Variants in SLC8A3 observed in about 807,000 individuals in gnomAD.
SLC8A3 encodes solute carrier family 8 member A3, also known as sodium/calcium exchanger 3.
A neutral mutation model predicts 65.4 loss-of-function variants in SLC8A3; 37 were observed. The observed-to-expected ratio is 0.57, with a 90% CI of 0.44 to 0.74. The LOEUF is 0.74. Among genes scored for constraint, SLC8A3 ranks in the 30% least tolerant of loss-of-function variants. SLC8A3 has a pLI of 0.00. For missense variants in SLC8A3, 1,112 were observed against 1,172.1 expected (o/e 0.95, Z 0.75); for synonymous variants, 461 against 444.5 (o/e 1.04, Z -0.47).
chr14:70,066,581 C>T (rs1381500742), intron 2 of SLC8A3, among the ~76,000 whole-genome samples: 1 of 152,120 alleles, frequency 6.6e-6, no homozygotes, highest in Admixed American at 6.5e-5. Context: ...AAGGCCGAGG[C>T]GGGTGGATCG....
intron 2 of SLC8A3, among the ~76,000 whole-genome samples, chr14:70,143,667 C>T (rs1273168860): frequency 6.6e-6 from 1 of 152,164 alleles, no homozygotes; most frequent in Non-Finnish European, 1.5e-5. Flanking sequence ...GAGAAGCCCT[C>T]ATCCACAGGA....
intron 2 of SLC8A3, among the ~76,000 whole-genome samples, chr14:70,124,433 T>C (rs1400927675): frequency 1.3e-5 from 2 of 152,252 alleles, no homozygotes; most frequent in African/African-American, 4.8e-5. Context: ...CTTCTCACAT[T>C]GTCCCTTTCC....
chr14:70,118,289 G>A (rs1193885109), intron 2 of SLC8A3, among the ~76,000 whole-genome samples: 1 of 152,172 alleles, frequency 6.6e-6, no homozygotes, highest in Non-Finnish European at 1.5e-5. Context: ...GCTACAAAGG[G>A]CAGATTCCAA....
At chr14:70,107,448 C>A (rs1594993927) in intron 2 of SLC8A3, among the ~76,000 whole-genome samples, 1 of 152,076 alleles carries the variant, frequency 6.6e-6, no homozygotes, top group African/African-American at 2.4e-5. Context: ...ATCCTATCGA[C>A]AAGGGCACCC....
chr14:70,110,587 A>C (rs1054460253), intron 2 of SLC8A3, among the ~76,000 whole-genome samples: 4 of 151,176 alleles, frequency 2.6e-5, no homozygotes, highest in Admixed American at 2.6e-4. Context: ...TTATCCATTC[A>C]TCTGTTGATG....
chr14:70,154,233 T>C (rs1896441468), intron 2 of SLC8A3, among the ~76,000 whole-genome samples: 1 of 152,238 alleles, frequency 6.6e-6, no homozygotes, highest in Non-Finnish European at 1.5e-5. Flanking sequence ...TGCTAAAATA[T>C]GTAACACAAT....
At chr14:70,092,160 C>A (rs1211682509) in intron 2 of SLC8A3, among the ~76,000 whole-genome samples, 1 of 152,178 alleles carries the variant, frequency 6.6e-6, no homozygotes, top group African/African-American at 2.4e-5. Flanking sequence ...GTCCCTTGGC[C>A]TCCAACACTA....
chr14:70,146,260 G>T (rs1287359596), intron 2 of SLC8A3, among the ~76,000 whole-genome samples: 1 of 152,200 alleles, frequency 6.6e-6, no homozygotes, highest in African/African-American at 2.4e-5. Context: ...TGGCTGGGAA[G>T]TTCCAGCCAA....
chr14:70,061,628 T>A (rs1436269917), intron 2 of SLC8A3, among the ~76,000 whole-genome samples: 1 of 152,114 alleles, frequency 6.6e-6, no homozygotes, highest in Non-Finnish European at 1.5e-5. Flanking sequence ...ATTCTTTATC[T>A]CATAGGGCTT....
intron 2 of SLC8A3, among the ~76,000 whole-genome samples, chr14:70,162,163 T>C (rs1007852872): frequency 1.3e-5 from 2 of 152,230 alleles, no homozygotes; most frequent in African/African-American, 2.4e-5. Flanking sequence ...TTCCAGAGCA[T>C]CTTTTACCCA....
At chr14:70,110,783 C>G (rs1398669052) in intron 2 of SLC8A3, among the ~76,000 whole-genome samples, 1 of 149,942 alleles carries the variant, frequency 6.7e-6, no homozygotes, top group Non-Finnish European at 1.5e-5. Flanking sequence ...CAGGTTCATG[C>G]CATTCTCCTG....
intron 2 of SLC8A3, among the ~76,000 whole-genome samples, chr14:70,103,313 G>T (rs886392906): frequency 6.6e-6 from 1 of 151,948 alleles, no homozygotes. Flanking sequence ...AAATGAAAAC[G>T]GGTTTACAGA....
At chr14:70,115,189 G>C (rs1384650023) in intron 2 of SLC8A3, among the ~76,000 whole-genome samples, 1 of 152,204 alleles carries the variant, frequency 6.6e-6, no homozygotes, top group Non-Finnish European at 1.5e-5. Context: ...GATGGCGGCT[G>C]AGTCAGGACT....
chr14:70,150,396 C>T (rs1055495894), intron 2 of SLC8A3, among the ~76,000 whole-genome samples: 4 of 152,158 alleles, frequency 2.6e-5, no homozygotes, highest in African/African-American at 7.2e-5. Flanking sequence ...TGCTCTATTA[C>T]CCCCTGTGTA....
rs780512741 is a variant in SLC8A3 at position 70,080,583 on chromosome 14, GA to G, written c.1785-19645del. On this transcript the variant is annotated intron_variant, in intron 2 of 6. Transcript: ENST00000356921. ...GAGACAGCAAATGGGGTTGGGTGGA[GA>G]AATGACATCAGTTATGTTGGAGTTT... Among the ~76,000 whole-genome samples, 6 of 152,330 alleles carry G rather than the reference GA, an allele frequency of 3.9e-5. 1 individual carries two copies. Among genetic ancestry groups the G allele is most frequent in the South Asian group, 4.1e-4 (2 of 4,824 alleles).
intron 5 of SLC8A3, among the ~76,000 whole-genome samples, chr14:70,050,645 C>A (rs1172052645): frequency 6.6e-6 from 1 of 152,086 alleles, no homozygotes; most frequent in African/African-American, 2.4e-5. Context: ...AGAGCGGGAC[C>A]AAACCCATGA....
chr14:70,135,830 T>C (rs1211774928), intron 2 of SLC8A3, among the ~76,000 whole-genome samples: 1 of 152,172 alleles, frequency 6.6e-6, no homozygotes, highest in Non-Finnish European at 1.5e-5. Flanking sequence ...AGTTCTAGTA[T>C]TCGATAGTAC....
At chr14:70,165,076 C>A (rs79722789) in intron 2 of SLC8A3, among the ~76,000 whole-genome samples, 7,451 of 152,282 alleles carry the variant, frequency 0.049, 220 homozygotes, top group Middle Eastern at 0.075. Flanking sequence ...ACACTGAGTG[C>A]TTATGTCTAT....
chr14:70,085,035 G>A (rs932024955), intron 2 of SLC8A3, among the ~76,000 whole-genome samples: 59 of 152,160 alleles, frequency 3.9e-4, no homozygotes, highest in African/African-American at 1.4e-3. Context: ...GTTTCCATGG[G>A]CAAAGTATGT....
Sources: gnomAD v4.1 joint callset for allele counts (sites outside exome capture counted in the v4.1 genomes callset) on GRCh38, gnomAD v4.1.1 for gene constraint, MANE v1.5 for transcripts, NCBI Gene and HGNC (gene_info 2026-07-23, HGNC 2026-07-21) for gene names.